FAM163A: variants seen among roughly 807,000 people sequenced by gnomAD.
FAM163A encodes protein FAM163A.
Under a neutral mutation model 12.0 loss-of-function variants are expected in FAM163A, and 7 were observed. The ratio of observed to expected loss-of-function variants is 0.58; its 90% CI spans 0.33 to 1.10. The LOEUF (loss-of-function observed/expected upper bound fraction) is 1.10, where lower values mean the gene tolerates loss of function less well. FAM163A is among the 50% of genes least tolerant of loss of function. The probability of loss-of-function intolerance (pLI) is 0.03; values close to 1 mark genes in which losing one functional copy is unlikely to be tolerated. For missense variants in FAM163A, 202 were observed against 218.6 expected, an observed-to-expected ratio of 0.92 and a Z score of 0.48; for synonymous variants, 101 against 91.0, an observed-to-expected ratio of 1.11 and a Z score of -0.62.
intron 1 of FAM163A, among the ~76,000 whole-genome samples, chr1:179,766,587 G>C (rs1687532385): frequency 6.6e-6 from 1 of 152,156 alleles, no homozygotes; most frequent in African/African-American, 2.4e-5. Flanking sequence ...AAATGTGTAT[G>C]CCTTTCCTCC....
At chr1:179,796,643 A>C (rs77526036) in intron 1 of FAM163A, among the ~76,000 whole-genome samples, 1,637 of 152,214 alleles carry the variant, frequency 0.011, 33 homozygotes, top group East Asian at 0.085. Flanking sequence ...GTCTAAGTAC[A>C]TCCAGGTTGG....
chr1:179,804,418 C>G (rs1693630884), intron 1 of FAM163A, among the ~76,000 whole-genome samples: 1 of 152,194 alleles, frequency 6.6e-6, no homozygotes, highest in South Asian at 2.1e-4. Context: ...GTGTGTTAAA[C>G]AAGTCATTTG....
intron 1 of FAM163A, among the ~76,000 whole-genome samples, chr1:179,806,687 A>G (rs1693981775): frequency 6.6e-6 from 1 of 152,174 alleles, no homozygotes. Context: ...TCCCCCACCC[A>G]GGGGGGGCCT....
intron 1 of FAM163A, among the ~76,000 whole-genome samples, chr1:179,757,190 A>G (rs1254004449): frequency 5.9e-5 from 9 of 152,120 alleles, no homozygotes; most frequent in Non-Finnish European, 7.4e-5. Context: ...AGGAGAAGCA[A>G]TGGGTTGTTT....
chr1:179,750,390 G>A (rs1685104527), intron 1 of FAM163A, among the ~76,000 whole-genome samples: 1 of 152,192 alleles, frequency 6.6e-6, no homozygotes, highest in Admixed American at 6.5e-5. Flanking sequence ...TTATCAGAAG[G>A]CCTGGGGCCA....
At chr1:179,772,934 C>T (rs1688469263) in intron 1 of FAM163A, among the ~76,000 whole-genome samples, 2 of 150,960 alleles carry the variant, frequency 1.3e-5, no homozygotes, top group South Asian at 4.3e-4. Context: ...AGGACTCTTC[C>T]AGCTGAGTCA....
At chr1:179,756,403 G>A (rs949247341) in intron 1 of FAM163A, among the ~76,000 whole-genome samples, 4 of 152,188 alleles carry the variant, frequency 2.6e-5, no homozygotes, top group African/African-American at 9.7e-5. Flanking sequence ...GATGTGAGGG[G>A]AGAGAAAGAG....
intron 2 of FAM163A, among the ~76,000 whole-genome samples, chr1:179,809,422 C>T (rs929033377): frequency 2.0e-5 from 3 of 152,154 alleles, no homozygotes; most frequent in African/African-American, 4.8e-5. Context: ...GAGAGCTGAG[C>T]GTTTTGTTCA....
At position 179,760,977 on chromosome 1, in the gene FAM163A, C is replaced by G. The variant is rs77941174; in HGVS notation, c.-136+17554C>G. Reference sequence around the variant, plus strand: ...CCCACACTCATGCTGCTCCCTAACTCCTAAAAGGAGAAAGCACAAGATTGT... The same window carrying G: ...CCCACACTCATGCTGCTCCCTAACTGCTAAAAGGAGAAAGCACAAGATTGT... On this transcript the variant is annotated intron_variant, in intron 1 of 4. Transcript: ENST00000341785. Among the ~76,000 whole-genome samples the G allele has an allele frequency of 5.5e-3, 839 of 152,280 alleles. 7 individuals are homozygous for G. The highest frequency in any genetic ancestry group is 0.019 in the African/African-American group (801 of 41,546).
chr1:179,797,174 C>T (rs779415172), intron 1 of FAM163A, among the ~76,000 whole-genome samples: 3 of 152,168 alleles, frequency 2.0e-5, no homozygotes, highest in South Asian at 2.1e-4. Context: ...TTGCCAGGTG[C>T]GACGGCTCAC....
At chr1:179,795,837 C>T (rs1692215430) in intron 1 of FAM163A, among the ~76,000 whole-genome samples, 2 of 152,062 alleles carry the variant, frequency 1.3e-5, no homozygotes, top group Admixed American at 6.6e-5. Flanking sequence ...TTTTCTAACC[C>T]CTCTCCCCAA....
chr1:179,772,596 G>A (rs1688427198), intron 1 of FAM163A, among the ~76,000 whole-genome samples: 1 of 152,164 alleles, frequency 6.6e-6, no homozygotes, highest in African/African-American at 2.4e-5. Context: ...CCACTGCCCT[G>A]AAGCATTGCT....
chr1:179,778,816 A>T (rs556139135), intron 1 of FAM163A, among the ~76,000 whole-genome samples: 1 of 152,208 alleles, frequency 6.6e-6, no homozygotes, highest in Non-Finnish European at 1.5e-5. Flanking sequence ...AGGGGCTTGT[A>T]GTGGGGCTGG....
chr1:179,767,635 C>A (rs909113520), intron 1 of FAM163A, among the ~76,000 whole-genome samples: 10 of 152,132 alleles, frequency 6.6e-5, no homozygotes, highest in African/African-American at 2.4e-4. Context: ...CCACTCCTAC[C>A]TTACAGAGCC....
intron 1 of FAM163A, among the ~76,000 whole-genome samples, chr1:179,784,219 A>G (rs1310278173): frequency 6.6e-6 from 1 of 152,184 alleles, no homozygotes; most frequent in Non-Finnish European, 1.5e-5. Flanking sequence ...TCCTGCCTTC[A>G]CCAGGAATAA....
At chr1:179,794,413 C>G (rs1385446627) in intron 1 of FAM163A, among the ~76,000 whole-genome samples, 2 of 152,098 alleles carry the variant, frequency 1.3e-5, no homozygotes. Flanking sequence ...GAATAATCAC[C>G]CTACTTAAAA....
chr1:179,781,182 G>C (rs555885131), intron 1 of FAM163A, among the ~76,000 whole-genome samples: 3 of 152,270 alleles, frequency 2.0e-5, no homozygotes, highest in South Asian at 4.2e-4. Context: ...ACTAGGAACA[G>C]AGTTTCTTTT....
chr1:179,763,599 A>T (rs1687097165), intron 1 of FAM163A, among the ~76,000 whole-genome samples: 1 of 152,182 alleles, frequency 6.6e-6, no homozygotes, highest in Admixed American at 6.5e-5. Context: ...TAATTCTTTA[A>T]TCAGAAGTCT....
intron 1 of FAM163A, among the ~76,000 whole-genome samples, chr1:179,806,330 A>G (rs1693931419): frequency 6.6e-6 from 1 of 152,242 alleles, no homozygotes; most frequent in African/African-American, 2.4e-5. Flanking sequence ...ATCACAGGTT[A>G]ATGTGAATGA....
Sources: gnomAD v4.1 joint callset for allele counts (sites outside exome capture counted in the v4.1 genomes callset) on GRCh38, gnomAD v4.1.1 for gene constraint, MANE v1.5 for transcripts, NCBI Gene and HGNC (gene_info 2026-07-23, HGNC 2026-07-21) for gene names.